The following GNAI3 variants were observed in gnomAD, a reference collection of about 807,000 sequenced individuals.
GNAI3 encodes the protein G protein subunit alpha i3, also known as guanine nucleotide-binding protein G(i) subunit alpha-3.
In GNAI3, 12 loss-of-function variants were observed where a neutral mutation model predicts 41.8. That is an observed-to-expected ratio of 0.29 (90% CI 0.18 to 0.47). The LOEUF is 0.47. Ranked by LOEUF, GNAI3 falls within the 20% of genes least tolerant of loss-of-function variation. GNAI3 has a pLI of 1.00. For missense variants in GNAI3, 360 were observed against 429.6 expected (o/e 0.84, Z 1.43); for synonymous variants, 132 against 146.5 (o/e 0.90, Z 0.71).
chr1:109,555,404 G>A (rs1405522522), intron 1 of GNAI3, among the ~76,000 whole-genome samples: 3 of 152,108 alleles, frequency 2.0e-5, no homozygotes, highest in Non-Finnish European at 4.4e-5. Flanking sequence ...ACTAATCTTC[G>A]ACAAAGAAAC....
intron 1 of GNAI3, among the ~76,000 whole-genome samples, chr1:109,563,521 A>G (rs1648370366): frequency 6.6e-6 from 1 of 152,122 alleles, no homozygotes; most frequent in Admixed American, 6.5e-5. Flanking sequence ...AAATGATAAC[A>G]TTTTGAGGAG....
Position 109,598,832 on chromosome 1 carries a change from C to T in GNAI3, c.*6510C>T. On this transcript the variant is annotated 3_prime_UTR_variant, in exon 9 of 9. Coordinates refer to ENST00000369851, the MANE Select transcript of GNAI3 (RefSeq NM_006496.4). ...TTTTACCTAGCAGGACCACCAGAGG[C>T]TCTGTCACACTTGCAGTCCCTGGCC... 1 of 525,386 alleles carries T rather than the reference C, an allele frequency of 1.9e-6. No individual in the cohort carries two copies. Among genetic ancestry groups the T allele is most frequent in the South Asian group, 1.4e-5 (1 of 71,270 alleles). 32.5% of individuals were successfully genotyped at this position (525,386 alleles called of 1,614,324 possible).
intron 4 of GNAI3, 66 bp downstream of exon 4, chr1:109,579,427 C>A: frequency 8.8e-7 from 1 of 1,136,696 alleles, no homozygotes; most frequent in Non-Finnish European, 1.3e-6. Context: ...AAATTTTAGT[C>A]CCCACTTAAG....
chr1:109,548,937 A>G (rs570925309), intron 1 of GNAI3, 99 bp downstream of exon 1: 4 of 536,992 alleles, frequency 7.4e-6, no homozygotes, highest in South Asian at 3.7e-5. Context: ...AGGACCCTAA[A>G]GGGATCTGGA....
At chr1:109,583,929 T>A (rs1441165794) in intron 5 of GNAI3, among the ~76,000 whole-genome samples, 1 of 152,210 alleles carries the variant, frequency 6.6e-6, no homozygotes, top group Non-Finnish European at 1.5e-5. Flanking sequence ...CTTGTCTCTG[T>A]GTTAATGGTC....
Position 109,598,727 on chromosome 1 carries a change from G to A in GNAI3, c.*6405G>A. 1 of 301,732 alleles carries A rather than the reference G, an allele frequency of 3.3e-6. No individual in the cohort carries two copies. 18.7% of individuals were successfully genotyped at this position (301,732 alleles called of 1,614,324 possible). ...CTGTCTATTTTCTGCTTATACTAGT[G>A]CTTTTTCATGGCAAAAAGACAGAAA... On this transcript the variant is annotated 3_prime_UTR_variant, in exon 9 of 9. Transcript: ENST00000369851.
At chr1:109,567,061 AT>A (rs1265151274) in intron 1 of GNAI3, among the ~76,000 whole-genome samples, 1 of 152,202 alleles carries the variant, frequency 6.6e-6, no homozygotes, top group Non-Finnish European at 1.5e-5. Flanking sequence ...TAGCAAAAAA[AT>A]CAATTTTATT....
chr1:109,598,889 T>C lies in GNAI3; in HGVS notation c.*6567T>C, dbSNP rs2101117737. 3.7e-6 allele frequency: 2 copies of C among 534,738 alleles called. No homozygotes were observed. Among genetic ancestry groups the C allele is most frequent in the South Asian group, 2.8e-5 (2 of 71,676 alleles). 33.1% of individuals were successfully genotyped at this position (534,738 alleles called of 1,614,324 possible). On this transcript the variant is annotated 3_prime_UTR_variant, in exon 9 of 9. Transcript: ENST00000369851. ...CGAAATCCTTCTGGAATCTGTGCTC[T>C]GGGGGCTGTGCCGGGTAGAGAGGGC...
At chr1:109,584,536 T>C (rs1648989873) in intron 5 of GNAI3, among the ~76,000 whole-genome samples, 1 of 152,258 alleles carries the variant, frequency 6.6e-6, no homozygotes, top group African/African-American at 2.4e-5. Flanking sequence ...CCAGATCTAA[T>C]TAAGGTGCCA....
intron 4 of GNAI3, among the ~76,000 whole-genome samples, chr1:109,582,048 A>T (rs933592264): frequency 4.9e-4 from 75 of 152,174 alleles, no homozygotes; most frequent in Middle Eastern, 6.8e-3. Flanking sequence ...AGGCTGGTGT[A>T]CAGTGGCACT....
chr1:109,552,667 T>G (rs1648008989), intron 1 of GNAI3, among the ~76,000 whole-genome samples: 1 of 152,190 alleles, frequency 6.6e-6, no homozygotes, highest in African/African-American at 2.4e-5. Context: ...ATACTTTGTA[T>G]TTTTTTCATG....
At chr1:109,590,581 CTTTT>C (rs201086144) in intron 7 of GNAI3, among the ~76,000 whole-genome samples, 1 of 144,956 alleles carries the variant, frequency 6.9e-6, no homozygotes, top group African/African-American at 2.5e-5. Flanking sequence ...TTTTCCTTTC[CTTTT>C]TTTTTTTTGA....
At chr1:109,557,508 A>G (rs1648188482) in intron 1 of GNAI3, among the ~76,000 whole-genome samples, 1 of 152,218 alleles carries the variant, frequency 6.6e-6, no homozygotes, top group Admixed American at 6.5e-5. Flanking sequence ...AGGTATATTG[A>G]AAGGACAAAG....
chr1:109,558,882 A>G (rs974851980), intron 1 of GNAI3, among the ~76,000 whole-genome samples: 3 of 152,072 alleles, frequency 2.0e-5, no homozygotes, highest in African/African-American at 7.2e-5. Flanking sequence ...GCAGGTCTTC[A>G]TAATAAGGAA....
intron 1 of GNAI3, among the ~76,000 whole-genome samples, chr1:109,554,904 A>G (rs2101088821): frequency 6.6e-6 from 1 of 152,246 alleles, no homozygotes; most frequent in African/African-American, 2.4e-5. Flanking sequence ...CAAATCAAGA[A>G]CTCAACCTTT....
At chr1:109,585,272 C>T (rs188251642) in intron 5 of GNAI3, among the ~76,000 whole-genome samples, 13 of 152,280 alleles carry the variant, frequency 8.5e-5, no homozygotes, top group Admixed American at 2.6e-4. Context: ...GATCTTTTTA[C>T]TATAGGAGGT....
chr1:109,564,566 T>G (rs1333282601), intron 1 of GNAI3, among the ~76,000 whole-genome samples: 5 of 152,208 alleles, frequency 3.3e-5, no homozygotes, highest in African/African-American at 1.2e-4. Context: ...AATGGTAGCC[T>G]AGGTTTTTTT....
intron 1 of GNAI3, among the ~76,000 whole-genome samples, chr1:109,561,207 C>G (rs1648300684): frequency 6.6e-6 from 1 of 152,194 alleles, no homozygotes; most frequent in Non-Finnish European, 1.5e-5. Context: ...TTAAAATCCA[C>G]ATTCATGTCC....
At chr1:109,551,445 G>C (rs886151070) in intron 1 of GNAI3, among the ~76,000 whole-genome samples, 1 of 152,106 alleles carries the variant, frequency 6.6e-6, no homozygotes, top group African/African-American at 2.4e-5. Context: ...TACTTACCCT[G>C]TGTCTCCTGA....
Sources: allele counts gnomAD v4.1 joint callset (sites outside exome capture counted in the v4.1 genomes callset), GRCh38; gene constraint gnomAD v4.1.1; transcripts MANE v1.5; gene names NCBI Gene and HGNC (gene_info 2026-07-23, HGNC 2026-07-21).